Variants in JAK1 observed in about 807,000 individuals in gnomAD.
JAK1 encodes the protein tyrosine-protein kinase JAK1.
In JAK1, 16 loss-of-function variants were observed where a neutral mutation model predicts 136.6. The observed-to-expected ratio is 0.12, with a 90% CI of 0.08 to 0.18. The LOEUF (loss-of-function observed/expected upper bound fraction) is 0.18. Among genes scored for constraint, JAK1 ranks in the 10% least tolerant of loss-of-function variants. JAK1 has a pLI of 1.00. For missense variants in JAK1, 859 were observed against 1,450.1 expected, an observed-to-expected ratio of 0.59 and a Z score of 6.62; for synonymous variants, 492 against 519.5, an observed-to-expected ratio of 0.95 and a Z score of 0.72.
intron 2 of JAK1, among the ~76,000 whole-genome samples, chr1:64,980,775 C>T (rs1375163707): frequency 1.3e-5 from 2 of 151,820 alleles, no homozygotes; most frequent in African/African-American, 4.8e-5. Context: ...TTCCTGTGTC[C>T]GAGAGTTCTC....
intron 3 of JAK1, among the ~76,000 whole-genome samples, chr1:64,881,176 CT>C (rs1328075304): frequency 3.3e-5 from 5 of 151,776 alleles, no homozygotes; most frequent in African/African-American, 1.2e-4. Flanking sequence ...ACTGGAGGAC[CT>C]TTTGAGCCCA....
chr1:64,938,224 A>C (rs572491638), intron 1 of JAK1, among the ~76,000 whole-genome samples: 1 of 152,208 alleles, frequency 6.6e-6, no homozygotes, highest in African/African-American at 2.4e-5. Flanking sequence ...AAAAAAGTTC[A>C]ATTATACAAA....
chr1:64,914,644 A>G lies in JAK1; in HGVS notation c.-77-28303T>C, dbSNP rs905437410. ...AGTGGCGTGATCTCAGCTCACTGCA[A>G]CCTCTGCCTCTGGGGTTCAAGTGAT... On this transcript the variant is annotated intron_variant, in intron 1 of 24. Coordinates refer to ENST00000342505, the MANE Select transcript of JAK1 (RefSeq NM_002227.4). Among the ~76,000 whole-genome samples the G allele has an allele frequency of 3.3e-5, 5 of 152,222 alleles. No individual in the cohort carries two copies. In the South Asian group the frequency reaches 1.0e-3, roughly 32 times the overall value.
chr1:64,929,889 C>A (rs900653357), intron 1 of JAK1, among the ~76,000 whole-genome samples: 32 of 152,300 alleles, frequency 2.1e-4, no homozygotes, highest in African/African-American at 7.0e-4. Flanking sequence ...ACATCTACAA[C>A]CATCTGATCT....
chr1:64,984,805 C>T lies in JAK1; in HGVS notation c.-78+59675G>A, dbSNP rs566696734. 19 of 1,075,856 alleles carry T rather than the reference C, an allele frequency of 1.8e-5. No homozygotes were observed. Among genetic ancestry groups the T allele is most frequent in the Admixed American group, 8.3e-5 (4 of 48,438 alleles). The allele number at this position is 1,075,856 out of a possible 1,614,324, so 66.6% of individuals were successfully genotyped here. A position where few individuals can be genotyped will look rare whatever the true frequency, so the allele number is the denominator to read the frequency against. On this transcript the variant is annotated intron_variant, in intron 2 of 25. Coordinates refer to the JAK1 transcript ENST00000671954. This position sits in a 1 kb window ranked among gnomAD's most constrained non-coding sequence, Gnocchi z 4.1. ...AGGAAGTCGGTGAAGATAATAAAAA[C>T]GTAGGCTCCTAAATAGTAAGCAGCA... is the stretch of plus-strand genomic sequence containing the variant.
chr1:64,844,360 G>A lies in JAK1; in HGVS notation c.2252-145C>T, dbSNP rs1655091964. The A allele has an allele frequency of 2.8e-6, 3 of 1,062,258 alleles. No individual in the cohort carries two copies. The highest frequency in any genetic ancestry group is 2.0e-5 in the Admixed American group (1 of 48,902). 65.8% of individuals were successfully genotyped at this position (1,062,258 alleles called of 1,614,324 possible). On this transcript the variant is annotated intron_variant, in intron 16 of 24. Coordinates refer to ENST00000342505, the MANE Select transcript of JAK1 (RefSeq NM_002227.4). This position sits in a 1 kb window ranked among gnomAD's most constrained non-coding sequence, Gnocchi z 5.7. ...CATGGCCCATGGCCACATAGGCCCT[G>A]TGCGGGGGGCCTGCAGGCGTGCAGC...
Position 64,844,920 on chromosome 1 carries a change from G to C in JAK1, c.2116-31C>G, listed in dbSNP as rs371238327. ...GAGTAAAAAGGTCAAGTTTAGCCAA[G>C]CTGCTCCTTCCCGCATTCTATTTCC... On this transcript the variant is annotated intron_variant, in intron 15 of 24. Transcript: ENST00000342505. The surrounding 1 kb of genome is among the most constrained non-coding windows in gnomAD (Gnocchi z 5.7). The C allele has an allele frequency of 1.9e-4, 306 of 1,613,714 alleles. No homozygotes were observed. Among genetic ancestry groups the C allele is most frequent in the Non-Finnish European group, 2.5e-4 (295 of 1,179,810 alleles).
chr1:64,893,185 C>A (rs964418012), intron 1 of JAK1, among the ~76,000 whole-genome samples: 1 of 152,014 alleles, frequency 6.6e-6, no homozygotes, highest in African/African-American at 2.4e-5. Context: ...AAATCACAAG[C>A]ACAATTGTGC....
At chr1:64,940,761 A>G (rs1645875891) in intron 1 of JAK1, among the ~76,000 whole-genome samples, 1 of 152,246 alleles carries the variant, frequency 6.6e-6, no homozygotes, top group African/African-American at 2.4e-5. Flanking sequence ...GCTCAACACA[A>G]ATTACATTTG....
chr1:65,009,508 GA>G (rs1646831800), intron 2 of JAK1, among the ~76,000 whole-genome samples: 1 of 152,094 alleles, frequency 6.6e-6, no homozygotes, highest in African/African-American at 2.4e-5. Flanking sequence ...TACTGGAAAT[GA>G]AAAATAATTA....
At chr1:64,841,683 T>C in intron 17 of JAK1, 82 bp from the exon 18 acceptor site, 2 of 1,410,298 alleles carry the variant, frequency 1.4e-6, no homozygotes, top group South Asian at 1.2e-5. Context: ...GAATTGCCAA[T>C]TCCTCATTCG....
At chr1:65,046,042 C>G (rs111345397) in intron 1 of JAK1, among the ~76,000 whole-genome samples, 1,756 of 152,288 alleles carry the variant, frequency 0.012, 30 homozygotes, top group African/African-American at 0.037. Flanking sequence ...AGGACAGTAT[C>G]TTATACACAG....
chr1:65,033,354 ATTT>A lies in JAK1; in HGVS notation c.-78+11123_-78+11125del, dbSNP rs573047019. The stretch of plus-strand genomic sequence containing the variant: ...TTTTTTTAAACAATAAAATTTTAAA[ATTT>A]TTTTATTTTTGTAGAAATGGAGTCT... On this transcript the variant is annotated intron_variant, in intron 2 of 25. Coordinates refer to the JAK1 transcript ENST00000671954. 2.0e-4 allele frequency among the ~76,000 whole-genome samples: 31 copies of A among 152,016 alleles called. 1 individual carries two copies. In the South Asian group the frequency reaches 5.8e-3, roughly 29 times the overall value.
intron 1 of JAK1, among the ~76,000 whole-genome samples, chr1:64,954,288 A>C (rs915989405): frequency 6.6e-6 from 1 of 152,228 alleles, no homozygotes; most frequent in Non-Finnish European, 1.5e-5. Flanking sequence ...ATAAGATCCA[A>C]GTCTCTGGCT....
At chr1:64,959,433 T>C (rs1396619015) in intron 1 of JAK1, among the ~76,000 whole-genome samples, 1 of 152,208 alleles carries the variant, frequency 6.6e-6, no homozygotes, top group African/African-American at 2.4e-5. Flanking sequence ...TTATAATTCC[T>C]TACCAGCAAA....
chr1:64,998,491 T>A (rs1646723493), intron 2 of JAK1, among the ~76,000 whole-genome samples: 1 of 152,246 alleles, frequency 6.6e-6, no homozygotes, highest in Admixed American at 6.5e-5. Flanking sequence ...GGATTTGTTT[T>A]CCTATTACAA....
At chr1:64,846,529 A>G in intron 14 of JAK1, 120 bp downstream of exon 14, 1 of 711,676 alleles carries the variant, frequency 1.4e-6, no homozygotes, top group Non-Finnish European at 2.5e-6. Context: ...AATCTCCTCA[A>G]CTGCAAAAAG....
chr1:65,006,102 A>G (rs901801274), intron 2 of JAK1, among the ~76,000 whole-genome samples: 2 of 152,216 alleles, frequency 1.3e-5, no homozygotes, highest in African/African-American at 4.8e-5. Context: ...ATCTCTTCAC[A>G]TAAGTGTGAA....
intron 2 of JAK1, among the ~76,000 whole-genome samples, chr1:65,031,886 G>C (rs1016453002): frequency 6.6e-6 from 1 of 151,620 alleles, no homozygotes; most frequent in Non-Finnish European, 1.5e-5. Flanking sequence ...AAAAATTAAA[G>C]AAATGTGCTT....
Sources: allele counts gnomAD v4.1 joint callset (sites outside exome capture counted in the v4.1 genomes callset), GRCh38; gene constraint gnomAD v4.1.1; non-coding constraint Gnocchi (gnomAD v3.1); transcripts MANE v1.5; gene names NCBI Gene and HGNC (gene_info 2026-07-23, HGNC 2026-07-21).